UNC13C: variants seen among roughly 807,000 people sequenced by gnomAD.
UNC13C encodes the protein protein unc-13 homolog C.
A neutral mutation model predicts 245.4 loss-of-function variants in UNC13C; 174 were observed. The ratio of observed to expected loss-of-function variants is 0.71; its 90% confidence interval spans 0.63 to 0.80. The LOEUF (loss-of-function observed/expected upper bound fraction) is 0.80. UNC13C is among the 30% of genes least tolerant of loss of function. The probability of loss-of-function intolerance (pLI) is 0.00; values close to 1 mark genes in which losing one functional copy is unlikely to be tolerated. For synonymous variants in UNC13C, 992 were observed against 895.1 expected, an observed-to-expected ratio of 1.11 and a Z score of -1.93; for missense variants, 2,829 against 2,602.9, an observed-to-expected ratio of 1.09 and a Z score of -1.89.
intron 19 of UNC13C, among the ~76,000 whole-genome samples, chr15:54,443,494 G>A (rs1280547505): frequency 6.6e-6 from 1 of 151,896 alleles, no homozygotes; most frequent in Non-Finnish European, 1.5e-5. Context: ...AGCAGCATTA[G>A]ATTGTTTATT....
chr15:54,133,080 GTGGTAAC>G (rs146639939), intron 2 of UNC13C, among the ~76,000 whole-genome samples: 2,569 of 152,132 alleles, frequency 0.017, 43 homozygotes, highest in East Asian at 0.084. Context: ...TTTATTTTTC[GTGGTAAC>G]TGGTGAATAA....
At chr15:53,956,905 T>TGTGTGTGTGTGTGTGTGC in the UNC13C span, among the ~76,000 whole-genome samples, 1 of 151,278 alleles carries the variant, frequency 6.6e-6, no homozygotes, top group East Asian at 1.9e-4. Flanking sequence ...TGTGTGTGTG[T>TGTGTGTGTGTGTGTGTGC]GCATGCACAC....
chr15:54,560,692 A>G (rs1174658494), intron 29 of UNC13C, among the ~76,000 whole-genome samples: 2 of 151,968 alleles, frequency 1.3e-5, no homozygotes, highest in Non-Finnish European at 2.9e-5. Flanking sequence ...ACAAAAGTAA[A>G]TAAAATACTG....
intron 17 of UNC13C, among the ~76,000 whole-genome samples, chr15:54,380,973 C>G (rs1489975530): frequency 6.6e-6 from 1 of 151,992 alleles, no homozygotes; most frequent in Admixed American, 6.6e-5. Context: ...AGTGTAAACC[C>G]ATTTGTTTAT....
intron 17 of UNC13C, among the ~76,000 whole-genome samples, chr15:54,390,908 T>C (rs2039941129): frequency 1.2e-5 from 1 of 85,990 alleles, no homozygotes; most frequent in Non-Finnish European, 2.9e-5. Flanking sequence ...TTTATGATAG[T>C]ATTGTGTGCT....
chr15:53,931,194 A>ACATAATGTATTTAT, the UNC13C span, among the ~76,000 whole-genome samples: 1 of 151,894 alleles, frequency 6.6e-6, no homozygotes. Flanking sequence ...TTTGAGACAG[A>ACATAATGTATTTAT]GTCTTGCTCT....
chr15:54,480,770 T>A (rs1893062153), intron 19 of UNC13C, among the ~76,000 whole-genome samples: 1 of 152,236 alleles, frequency 6.6e-6, no homozygotes, highest in African/African-American at 2.4e-5. Context: ...GTGTCATGTT[T>A]CCTTGCTTTC....
the UNC13C span, among the ~76,000 whole-genome samples, chr15:53,927,550 CTTA>C: frequency 2.6e-5 from 4 of 152,096 alleles, no homozygotes; most frequent in Admixed American, 2.6e-4. Flanking sequence ...TAACAAGACA[CTTA>C]TTAGAGTAAG....
At chr15:54,103,896 C>T (rs1395932646) in intron 2 of UNC13C, among the ~76,000 whole-genome samples, 1 of 152,178 alleles carries the variant, frequency 6.6e-6, no homozygotes, top group Non-Finnish European at 1.5e-5. Flanking sequence ...AGGCATGTGC[C>T]ACCATGCCCA....
At chr15:54,517,927 G>T (rs1895051447) in intron 24 of UNC13C, among the ~76,000 whole-genome samples, 1 of 152,130 alleles carries the variant, frequency 6.6e-6, no homozygotes, top group Non-Finnish European at 1.5e-5. Context: ...CTCACCTCTT[G>T]TTGTATAAAT....
intron 19 of UNC13C, among the ~76,000 whole-genome samples, chr15:54,483,921 C>T (rs911351148): frequency 5.3e-5 from 8 of 150,344 alleles, no homozygotes; most frequent in African/African-American, 1.5e-4. Context: ...CACATATTCA[C>T]GGAACATACA....
At chr15:54,171,953 A>G (rs1203972476) in intron 4 of UNC13C, among the ~76,000 whole-genome samples, 1 of 152,162 alleles carries the variant, frequency 6.6e-6, no homozygotes, top group East Asian at 1.9e-4. Flanking sequence ...TGTCATTTGC[A>G]GTTACCATGG....
intron 14 of UNC13C, among the ~76,000 whole-genome samples, chr15:54,331,063 G>A (rs1227821895): frequency 2.6e-5 from 4 of 152,028 alleles, no homozygotes; most frequent in East Asian, 1.9e-4. Flanking sequence ...CAGTGACTTC[G>A]AGGCATAAGA....
intron 19 of UNC13C, among the ~76,000 whole-genome samples, chr15:54,451,238 C>A (rs1014765926): frequency 1.3e-5 from 2 of 152,040 alleles, no homozygotes; most frequent in African/African-American, 4.8e-5. Context: ...CAGGGAAAAA[C>A]TTTATTTTGC....
intron 1 of UNC13C, among the ~76,000 whole-genome samples, chr15:53,985,709 G>T: frequency 6.6e-6 from 1 of 151,970 alleles, no homozygotes; most frequent in Non-Finnish European, 1.5e-5. Context: ...TAGTAGGGGA[G>T]CTGCCTACCT....
chr15:53,943,002 T>C, the UNC13C span, among the ~76,000 whole-genome samples: 1 of 152,210 alleles, frequency 6.6e-6, no homozygotes, highest in Non-Finnish European at 1.5e-5. Context: ...TTATGAAATC[T>C]TTCTTTTCAC....
chr15:54,225,886 GT>G (rs1180264795), intron 4 of UNC13C, among the ~76,000 whole-genome samples: 2 of 152,164 alleles, frequency 1.3e-5, no homozygotes, highest in African/African-American at 4.8e-5. Context: ...TCTTGTGCCA[GT>G]TTTCAAAGCA....
chr15:53,897,768 G>A, the UNC13C span, among the ~76,000 whole-genome samples: 85 of 152,260 alleles, frequency 5.6e-4, no homozygotes, highest in African/African-American at 2.0e-3. Context: ...AAATCAGAAA[G>A]TGTATTAGCA....
intron 19 of UNC13C, among the ~76,000 whole-genome samples, chr15:54,417,512 A>T (rs566281356): frequency 6.6e-6 from 1 of 152,278 alleles, no homozygotes; most frequent in South Asian, 2.1e-4. Context: ...TTTAAAACTT[A>T]CTCTAAATCT....
Sources: gnomAD v4.1 joint callset for allele counts (sites outside exome capture counted in the v4.1 genomes callset) on GRCh38, gnomAD v4.1.1 for gene constraint, MANE v1.5 for transcripts, NCBI Gene and HGNC (gene_info 2026-07-23, HGNC 2026-07-21) for gene names.